The following KAZN variants were observed in gnomAD, a reference collection of about 807,000 sequenced individuals.
KAZN encodes the protein kazrin.
In KAZN, 40 loss-of-function variants were observed where a neutral mutation model predicts 87.4. The observed-to-expected ratio is 0.46, with a 90% CI of 0.36 to 0.60. The LOEUF (loss-of-function observed/expected upper bound fraction) is 0.60, where lower values mean the gene tolerates loss of function less well. Among genes scored for constraint, KAZN ranks in the 20% least tolerant of loss-of-function variants. KAZN has a pLI of 0.00. For missense variants in KAZN, 898 were observed against 1,073.9 expected (o/e 0.84, Z 2.29); for synonymous variants, 466 against 458.3 (o/e 1.02, Z -0.22).
At chr1:14,536,432 T>G (rs1043011719) in intron 2 of KAZN, among the ~76,000 whole-genome samples, 6 of 152,330 alleles carry the variant, frequency 3.9e-5, no homozygotes, top group African/African-American at 1.4e-4. Context: ...AAGAGACTAA[T>G]AGTTGTCAGA....
At chr1:13,922,484 C>T (rs1308744213) in intron 1 of KAZN, among the ~76,000 whole-genome samples, 1 of 152,306 alleles carries the variant, frequency 6.6e-6, no homozygotes, top group Non-Finnish European at 1.5e-5. Context: ...GATGGCTACA[C>T]TTTGCATCTG....
chr1:14,830,030 T>C (rs932365235), intron 1 of KAZN, among the ~76,000 whole-genome samples: 2 of 152,228 alleles, frequency 1.3e-5, no homozygotes, highest in Non-Finnish European at 2.9e-5. Context: ...GCTATAGTAA[T>C]CACAGTTAAG....
In KAZN at chr1:14,599,772, A is replaced by G. The variant is rs545575296; in HGVS notation, c.226+549A>G. On this transcript the variant is annotated intron_variant, in intron 1 of 14. Transcript: ENST00000376030. The surrounding 1 kb of genome is among the most constrained non-coding windows in gnomAD (Gnocchi z 4.4). ...TGAGGTCTCTCAGGCATTGGAATCT[A>G]TAGATGCAACAGTAGATGCTCAGCT... Among the ~76,000 whole-genome samples the G allele has an allele frequency of 6.6e-6, 1 of 152,204 alleles. No individual in the cohort carries two copies. Among genetic ancestry groups the G allele is most frequent in the Non-Finnish European group, 1.5e-5 (1 of 68,044 alleles).
chr1:14,299,178 G>T (rs917183408), intron 2 of KAZN, among the ~76,000 whole-genome samples: 1 of 152,162 alleles, frequency 6.6e-6, no homozygotes, highest in Non-Finnish European at 1.5e-5. Context: ...ACAACCTGGT[G>T]GGGGAAACAG....
chr1:14,323,205 C>A (rs1262504342), intron 2 of KAZN, among the ~76,000 whole-genome samples: 1 of 152,040 alleles, frequency 6.6e-6, no homozygotes. Context: ...CTAACCATAT[C>A]ACCACACTAG....
At chr1:15,004,156 C>T (rs1041645076) in intron 2 of KAZN, among the ~76,000 whole-genome samples, 1 of 152,178 alleles carries the variant, frequency 6.6e-6, no homozygotes, top group African/African-American at 2.4e-5. Context: ...CCTCATGGTG[C>T]TGTCTGGATG....
At chr1:14,149,032 AGCCTGCCT>A (rs1168671093) in intron 1 of KAZN, among the ~76,000 whole-genome samples, 3 of 149,206 alleles carry the variant, frequency 2.0e-5, no homozygotes, top group African/African-American at 5.0e-5. Context: ...TTCCACATAC[AGCCTGCCT>A]GCCTGCCTGC....
rs189324321 is a variant in KAZN at position 14,559,059 on chromosome 1, C to G, written c.250-39924C>G. On this transcript the variant is annotated intron_variant, in intron 2 of 16. Transcript: ENST00000636203. ...GAAATGTAACCCAAGGATAAGTGAT[C>G]TTTTAGCTCAAGCACCTCCTATAAA... is the stretch of plus-strand genomic sequence containing the variant. Among the ~76,000 whole-genome samples, 156 of 152,252 alleles carry G rather than the reference C, an allele frequency of 1.0e-3. 1 individual carries two copies. Among genetic ancestry groups the G allele is most frequent in the African/African-American group, 3.6e-3 (150 of 41,540 alleles).
chr1:14,220,980 C>T (rs1363801657), intron 2 of KAZN, among the ~76,000 whole-genome samples: 1 of 152,130 alleles, frequency 6.6e-6, no homozygotes, highest in Non-Finnish European at 1.5e-5. Flanking sequence ...CTTGTTCATC[C>T]CACAAGCATT....
intron 2 of KAZN, among the ~76,000 whole-genome samples, chr1:14,528,688 G>A (rs930571559): frequency 2.0e-5 from 3 of 148,780 alleles, no homozygotes; most frequent in Non-Finnish European, 4.4e-5. Context: ...GGTCGAGGTT[G>A]CAGTGGGCCA....
chr1:13,899,991 T>C, intron 1 of KAZN, among the ~76,000 whole-genome samples: 1 of 152,192 alleles, frequency 6.6e-6, no homozygotes, highest in East Asian at 1.9e-4. Context: ...CAGTAAGATA[T>C]TGACGCATCT....
At chr1:14,321,782 T>C (rs943893880) in intron 2 of KAZN, among the ~76,000 whole-genome samples, 5 of 152,178 alleles carry the variant, frequency 3.3e-5, no homozygotes, top group Admixed American at 2.0e-4. Flanking sequence ...GATTACAACT[T>C]ATTAAAGAGA....
chr1:14,816,510 C>T (rs1347334236), intron 1 of KAZN, among the ~76,000 whole-genome samples: 5 of 152,186 alleles, frequency 3.3e-5, no homozygotes, highest in African/African-American at 9.7e-5. Context: ...TCTTTGCCCT[C>T]AGGGCTTCCT....
chr1:14,394,942 C>T (rs1215147635), intron 2 of KAZN, among the ~76,000 whole-genome samples: 1 of 152,168 alleles, frequency 6.6e-6, no homozygotes, highest in Non-Finnish European at 1.5e-5. Context: ...TCAGTCCAGT[C>T]TACTTTGCAC....
intron 2 of KAZN, among the ~76,000 whole-genome samples, chr1:14,301,325 G>T (rs903848592): frequency 6.6e-6 from 1 of 152,204 alleles, no homozygotes. Context: ...TGGCCCAAAG[G>T]CCCTGTACAA....
intron 1 of KAZN, among the ~76,000 whole-genome samples, chr1:13,948,399 G>A (rs1641223691): frequency 1.3e-5 from 2 of 152,148 alleles, no homozygotes; most frequent in African/African-American, 4.8e-5. Context: ...CCCCCTTCGC[G>A]GGGCACTCAT....
Position 15,065,985 on chromosome 1 carries a change from C to T in KAZN, c.1222+232C>T, listed in dbSNP as rs866948701. 10 of 1,344,320 alleles carry T rather than the reference C, an allele frequency of 7.4e-6. No homozygotes were observed. The African/African-American group carries it at 1.2e-4, about 16-fold the overall frequency. The allele number at this position is 1,344,320 out of a possible 1,614,324, so 83.3% of individuals were successfully genotyped here. ...CACGAGTGTGAACCTCTCTCCCCTG[C>T]GTCGCCACCTCTGTAATTGATGTAC... On this transcript the variant is annotated intron_variant, in intron 8 of 14. Coordinates refer to ENST00000376030, the MANE Select transcript of KAZN (RefSeq NM_201628.3).
At chr1:14,590,081 CCT>C (rs758100985) in intron 2 of KAZN, among the ~76,000 whole-genome samples, 4 of 152,024 alleles carry the variant, frequency 2.6e-5, no homozygotes, top group Non-Finnish European at 5.9e-5. Context: ...ATCGAATGCA[CCT>C]CTGTTTAAAA....
At chr1:14,295,218 G>A (rs534835190) in intron 2 of KAZN, among the ~76,000 whole-genome samples, 183 of 152,304 alleles carry the variant, frequency 1.2e-3, no homozygotes, top group African/African-American at 4.2e-3. Flanking sequence ...ATCAGGCCCT[G>A]ATGACATTTC....
Sources: allele counts gnomAD v4.1 joint callset (sites outside exome capture counted in the v4.1 genomes callset), GRCh38; gene constraint gnomAD v4.1.1; non-coding constraint Gnocchi (gnomAD v3.1); transcripts MANE v1.5; gene names NCBI Gene and HGNC (gene_info 2026-07-23, HGNC 2026-07-21).